The following SYN3 variants were observed in gnomAD, a reference collection of about 807,000 sequenced individuals.
SYN3 encodes synapsin III.
A neutral mutation model predicts 65.8 loss-of-function variants in SYN3; 35 were observed. That is an observed-to-expected ratio of 0.53 (90% CI 0.41 to 0.70). SYN3 has a LOEUF of 0.70. Ranked by LOEUF, SYN3 falls within the 30% of genes least tolerant of loss-of-function variation. The pLI, the probability that SYN3 is intolerant of heterozygous loss-of-function variation, is 0.00. For missense variants in SYN3, 680 were observed against 749.0 expected (o/e 0.91, Z 1.08); for synonymous variants, 270 against 292.9 (o/e 0.92, Z 0.80).
Position 32,962,147 on chromosome 22 carries a change from T to C in SYN3, c.369+18498A>G, listed in dbSNP as rs949076189. Among the ~76,000 whole-genome samples, 5 of 146,686 alleles carry C rather than the reference T, an allele frequency of 3.4e-5. No individual in the cohort carries two copies. The South Asian group carries it at 1.2e-3, about 34-fold the overall frequency. On this transcript the variant is annotated intron_variant, in intron 3 of 13. Coordinates refer to ENST00000358763, the MANE Select transcript of SYN3 (RefSeq NM_003490.4). ...AGAATCTCTTTTTTTTTTTTTTTTTTTTTTTTTGAGACAGAGTCTCGTTCT... is the reference window on the plus strand; with the variant it reads ...AGAATCTCTTTTTTTTTTTTTTTTTCTTTTTTTGAGACAGAGTCTCGTTCT...
chr22:32,901,537 G>T (rs1252611453), intron 4 of SYN3, among the ~76,000 whole-genome samples: 3 of 152,094 alleles, frequency 2.0e-5, no homozygotes, highest in Non-Finnish European at 1.5e-5. Flanking sequence ...TTGTCTTGGA[G>T]CTCCTCTCAT....
At chr22:32,787,141 G>A (rs1373154490) in intron 6 of SYN3, among the ~76,000 whole-genome samples, 8 of 150,714 alleles carry the variant, frequency 5.3e-5, no homozygotes. Context: ...TCCATCTCCT[G>A]GGCTCAAGTG....
intron 3 of SYN3, among the ~76,000 whole-genome samples, chr22:32,973,141 T>C (rs1436417748): frequency 1.3e-5 from 2 of 152,242 alleles, no homozygotes; most frequent in African/African-American, 4.8e-5. Flanking sequence ...ATTTCCCCTT[T>C]TGATCCATTT....
chr22:32,513,565 G>A lies in SYN3; in HGVS notation c.*127C>T. On this transcript the variant is annotated 3_prime_UTR_variant, in exon 14 of 14. Coordinates refer to ENST00000358763, the MANE Select transcript of SYN3 (RefSeq NM_003490.4). ...ATAGATAATCGGTTCCTGGGTCAAA[G>A]GCATTTAGAAAGTATGTTCTCAGGC... is the stretch of plus-strand genomic sequence containing the variant. The A allele has an allele frequency of 1.6e-6, 2 of 1,245,080 alleles. No homozygotes were observed. The highest frequency in any genetic ancestry group is 2.2e-6 in the Non-Finnish European group (2 of 900,534). The allele number at this position is 1,245,080 out of a possible 1,614,324, so 77.1% of individuals were successfully genotyped here. A position where few individuals can be genotyped will look rare whatever the true frequency, so the allele number is the denominator to read the frequency against.
At chr22:32,872,655 G>C (rs2048879168) in intron 4 of SYN3, among the ~76,000 whole-genome samples, 1 of 152,312 alleles carries the variant, frequency 6.6e-6, no homozygotes, top group Middle Eastern at 3.4e-3. Context: ...GGGTATGATG[G>C]ATATGCAATG....
chr22:32,573,916 C>T (rs993368757), intron 7 of SYN3, among the ~76,000 whole-genome samples: 1 of 150,542 alleles, frequency 6.6e-6, no homozygotes, highest in East Asian at 2.0e-4. Context: ...ATTACGGGTG[C>T]CCGCTGCCAC....
Position 33,010,537 on chromosome 22 carries a change from G to A in SYN3, c.-162-3713C>T, listed in dbSNP as rs2053323512. ...TTTAATATGCTCCACTGATCTCTCT[G>A]TCTATTCTTACATTTATTGATTGCT... On this transcript the variant is annotated intron_variant, in intron 1 of 13. Transcript: ENST00000358763. Among the ~76,000 whole-genome samples, 4 of 152,130 alleles carry A rather than the reference G, an allele frequency of 2.6e-5. No individual in the cohort carries two copies. The South Asian group carries it at 8.3e-4, about 32-fold the overall frequency.
At chr22:32,906,637 C>G (rs969500952) in intron 4 of SYN3, among the ~76,000 whole-genome samples, 2 of 152,144 alleles carry the variant, frequency 1.3e-5, no homozygotes, top group African/African-American at 2.4e-5. Context: ...AGGCATTTGT[C>G]CTAATGCTCA....
rs750590747 is a variant in SYN3, at chr22:32,859,339, C to G, written c.711+5576G>C. Reference sequence around the variant, plus strand: ...CTGCAGCTGGTACCGAGGATGGGCCCCCCCGGATAAAAGCATCATCAATGC... The same window carrying G: ...CTGCAGCTGGTACCGAGGATGGGCCGCCCCGGATAAAAGCATCATCAATGC... On this transcript the variant is annotated intron_variant, in intron 6 of 13. Transcript: ENST00000358763. 7 of 1,613,170 alleles carry G rather than the reference C, an allele frequency of 4.3e-6. No individual in the cohort carries two copies. The highest frequency in any genetic ancestry group is 2.7e-5 in the African/African-American group (2 of 74,934).
At chr22:32,926,010 C>T (rs1023404558) in intron 4 of SYN3, among the ~76,000 whole-genome samples, 1 of 151,990 alleles carries the variant, frequency 6.6e-6, no homozygotes, top group South Asian at 2.1e-4. Context: ...CACCACCACA[C>T]CTGGATAATT....
chr22:32,514,849 T>C (rs2057744904), intron 13 of SYN3, among the ~76,000 whole-genome samples: 1 of 152,190 alleles, frequency 6.6e-6, no homozygotes, highest in African/African-American at 2.4e-5. Flanking sequence ...ACCCCGTCTC[T>C]ACTAAAAATA....
chr22:32,858,589 A>G (rs775382101), intron 6 of SYN3, among the ~76,000 whole-genome samples: 1 of 152,134 alleles, frequency 6.6e-6, no homozygotes, highest in Admixed American at 6.5e-5. Flanking sequence ...TCTCTTTACC[A>G]GGCCCATCCC....
chr22:32,697,477 A>G (rs1252411739), intron 6 of SYN3, among the ~76,000 whole-genome samples: 1 of 152,220 alleles, frequency 6.6e-6, no homozygotes, highest in Non-Finnish European at 1.5e-5. Context: ...GAGGCATTCC[A>G]TATTTTTTGA....
chr22:32,876,590 A>C (rs1226815331), intron 4 of SYN3, among the ~76,000 whole-genome samples: 2 of 139,628 alleles, frequency 1.4e-5, no homozygotes, highest in Non-Finnish European at 3.2e-5. Flanking sequence ...TACTGCCTGC[A>C]TTGTTAAAAA....
intron 6 of SYN3, among the ~76,000 whole-genome samples, chr22:32,814,919 A>C (rs1456798336): frequency 1.3e-5 from 2 of 152,234 alleles, no homozygotes; most frequent in African/African-American, 4.8e-5. Context: ...AATTAATTTT[A>C]ATACTAAACC....
Position 32,987,119 on chromosome 22 carries a change from G to A in SYN3, c.312-6417C>T, listed in dbSNP as rs118002736. On this transcript the variant is annotated intron_variant, in intron 2 of 13. Coordinates refer to ENST00000358763, the MANE Select transcript of SYN3 (RefSeq NM_003490.4). ...GTTAACGCAGCCAGGGCTTGGTGAT[G>A]TCCTTCCAAGGAAGGAGAGGTCAGG... 1.9e-3 allele frequency among the ~76,000 whole-genome samples: 290 copies of A among 152,244 alleles called. 1 individual carries two copies. The highest frequency in any genetic ancestry group is 3.4e-3 in the Non-Finnish European group (233 of 68,014).
At chr22:32,977,082 T>C (rs926990027) in intron 3 of SYN3, among the ~76,000 whole-genome samples, 5 of 152,176 alleles carry the variant, frequency 3.3e-5, no homozygotes, top group Admixed American at 3.3e-4. Context: ...TGGAAAGGTA[T>C]GTCTACTGGG....
chr22:32,996,770 G>A (rs1181929943), intron 2 of SYN3, among the ~76,000 whole-genome samples: 1 of 152,226 alleles, frequency 6.6e-6, no homozygotes, highest in Non-Finnish European at 1.5e-5. Flanking sequence ...ACCTGAACTC[G>A]TAAGTATGTG....
rs375040725 is a variant in SYN3, at chr22:32,528,886, G to A, written c.1218C>T (p.Pro406=). The change falls in exon 11 of 14, where the codon CCC becomes CCT. Residue 406 remains proline (P), a synonymous_variant. Transcript: ENST00000358763. The stretch of plus-strand genomic sequence containing the variant: ...GTGAGGGTCTTACCCAAGGTCTGAG[G>A]GGGGAGGGCGCTGTGCCTCCTGGCA... ...LPMPGGTAPS[P]LRPWAPQIKS... The A allele has an allele frequency of 2.5e-6, 4 of 1,614,140 alleles. No individual in the cohort carries two copies. The East Asian group carries it at 6.7e-5, about 27-fold the overall frequency.
Sources: allele counts gnomAD v4.1 joint callset (sites outside exome capture counted in the v4.1 genomes callset), GRCh38; gene constraint gnomAD v4.1.1; transcripts MANE v1.5; gene names NCBI Gene and HGNC (gene_info 2026-07-23, HGNC 2026-07-21).